Variants in EPC1 observed in about 807,000 individuals in gnomAD.
EPC1 encodes enhancer of polycomb homolog 1.
A neutral mutation model predicts 98.4 loss-of-function variants in EPC1; 12 were observed. The ratio of observed to expected loss-of-function variants is 0.12; its 90% confidence interval spans 0.08 to 0.20. The LOEUF is 0.20. Among genes scored for constraint, EPC1 ranks in the 10% least tolerant of loss-of-function variants. The pLI is 1.00. For synonymous variants in EPC1, 357 were observed against 363.9 expected (o/e 0.98, Z 0.21); for missense variants, 729 against 990.5 (o/e 0.74, Z 3.54).
chr10:32,376,351 C>T (rs1197205094), intron 1 of EPC1, among the ~76,000 whole-genome samples: 1 of 152,006 alleles, frequency 6.6e-6, no homozygotes, highest in African/African-American at 2.4e-5. Flanking sequence ...GAATAGCAGA[C>T]TATTTTAGCA....
At chr10:32,347,272 C>T, upstream of EPC1, 1 of 1,008,914 alleles carries the variant, frequency 9.9e-7, no homozygotes, top group Non-Finnish European at 1.2e-6. Flanking sequence ...AAGCGCGCGT[C>T]CCGCCAACCC....
At chr10:32,347,738 A>G (rs1838952164), upstream of EPC1, among the ~76,000 whole-genome samples, 1 of 152,222 alleles carries the variant, frequency 6.6e-6, no homozygotes, top group Non-Finnish European at 1.5e-5. Context: ...ATAAAAATAC[A>G]AACTGAATTA....
upstream of EPC1, among the ~76,000 whole-genome samples, chr10:32,349,125 T>A (rs965079785): frequency 2.0e-5 from 3 of 152,186 alleles, no homozygotes; most frequent in African/African-American, 7.2e-5. Flanking sequence ...AAATACTGGC[T>A]GAATATTATT....
At position 32,293,814 on chromosome 10, in the gene EPC1, CA is replaced by C. The variant is rs1834986489; in HGVS notation, c.314-78del. Reference sequence around the variant, plus strand: ...AACTCCACAGATGTCTGCATAAAAACAAGACCTAGACTTTCTAAAGAAATAA... The same window carrying C: ...AACTCCACAGATGTCTGCATAAAAACAGACCTAGACTTTCTAAAGAAATAA... On this transcript the variant is annotated intron_variant, in intron 2 of 13. Transcript: ENST00000319778. The C allele has an allele frequency of 3.0e-6, 4 of 1,335,498 alleles. No individual in the cohort carries two copies. The African/African-American group carries it at 5.9e-5, about 20-fold the overall frequency. The allele number at this position is 1,335,498 out of a possible 1,614,324, so 82.7% of individuals were successfully genotyped here.
At position 32,344,186 on chromosome 10, in the gene EPC1, TAC is replaced by T. The variant is rs1369021436; in HGVS notation, c.153+2575_153+2576del. Among the ~76,000 whole-genome samples, 16 of 152,364 alleles carry T rather than the reference TAC, an allele frequency of 1.1e-4. No homozygotes were observed. The Middle Eastern group carries it at 0.01, about 97-fold the overall frequency. On this transcript the variant is annotated intron_variant, in intron 1 of 13. Transcript: ENST00000319778. Reference sequence around the variant, plus strand: ...AATTCAATTACCTTTATGTTTAATATACCTTTTCAACACTGCATAACACACTA... The same window carrying T: ...AATTCAATTACCTTTATGTTTAATATCTTTTCAACACTGCATAACACACTA...
intron 6 of EPC1, among the ~76,000 whole-genome samples, chr10:32,290,483 C>CGAAAAAAAAAAAAAA (rs369289877): frequency 2.5e-5 from 1 of 40,160 alleles, no homozygotes; most frequent in African/African-American, 1.3e-4. Context: ...AAGACTCTGT[C>CGAAAAAAAAAAAAAA]AAAAAAAAAA....
intron 1 of EPC1, among the ~76,000 whole-genome samples, chr10:32,360,680 G>A (rs1384278548): frequency 6.6e-6 from 1 of 152,152 alleles, no homozygotes; most frequent in Non-Finnish European, 1.5e-5. Context: ...GATCACCTGA[G>A]GCCGGAAGTT....
chr10:32,273,482 GA>G (rs923322229), intron 10 of EPC1, among the ~76,000 whole-genome samples: 7 of 146,238 alleles, frequency 4.8e-5, no homozygotes, highest in South Asian at 4.3e-4. Flanking sequence ...TGAATTTAAA[GA>G]AAAAAAAAAT....
intron 4 of EPC1, 119 bp downstream of exon 4, chr10:32,292,869 T>A (rs1834929493): frequency 1.3e-6 from 1 of 786,010 alleles, no homozygotes; most frequent in African/African-American, 1.8e-5. Context: ...AATTTAAGTA[T>A]TTTTCTTATA....
intron 2 of EPC1, among the ~76,000 whole-genome samples, chr10:32,298,191 C>A (rs1023578967): frequency 1.3e-5 from 2 of 152,148 alleles, no homozygotes; most frequent in African/African-American, 4.8e-5. Context: ...AAGTATTTGA[C>A]ATCTTTGCCT....
intron 6 of EPC1, among the ~76,000 whole-genome samples, chr10:32,290,217 C>T (rs1479164286): frequency 6.6e-6 from 1 of 152,068 alleles, no homozygotes; most frequent in Non-Finnish European, 1.5e-5. Flanking sequence ...TGCAGTGGCT[C>T]ACGCCTATAA....
At chr10:32,327,087 A>T (rs114889182) in intron 1 of EPC1, among the ~76,000 whole-genome samples, 8 of 151,354 alleles carry the variant, frequency 5.3e-5, no homozygotes, top group East Asian at 1.9e-4. Context: ...ACACACACAC[A>T]CACTCACAAT....
Position 32,284,919 on chromosome 10 carries a change from T to G in EPC1, c.1523A>C (p.Lys508Thr). The G allele has an allele frequency of 1.9e-6, 3 of 1,614,172 alleles. No individual in the cohort carries two copies. The highest frequency in any genetic ancestry group is 2.5e-6 in the Non-Finnish European group (3 of 1,180,034). ...CTGACTGAGGTCTTTAGAGAAAGAT[T>G]TGTCCGAGGTATTTGTTTCTGAGGT... is the stretch of plus-strand genomic sequence containing the variant. ...ANTSETNTSD[K>T]SFSKDLSQIL... The change falls in exon 10 of 14, where the codon AAA (lysine) becomes ACA (threonine). Residue 508 changes from lysine to threonine, a missense_variant. Around this residue, in one of 6 missense-constraint regions of EPC1, gnomAD observed 390 missense variants for 438.6 expected, o/e 0.89. Transcript: ENST00000319778.
At chr10:32,373,173 A>G (rs1473131803) in intron 1 of EPC1, among the ~76,000 whole-genome samples, 1 of 152,178 alleles carries the variant, frequency 6.6e-6, no homozygotes, top group Non-Finnish European at 1.5e-5. Context: ...AACATGGGCC[A>G]AGTGTCTGGG....
Position 32,268,044 on chromosome 10 carries a change from C to A in EPC1, c.*1019G>T, listed in dbSNP as rs538188042. ...GTTTTTAGAAACTGGAATGATGATACACGTACAGCAATTACTGCATTCTTC... is the reference window on the plus strand; with the variant it reads ...GTTTTTAGAAACTGGAATGATGATAAACGTACAGCAATTACTGCATTCTTC... On this transcript the variant is annotated 3_prime_UTR_variant, in exon 14 of 14. Transcript: ENST00000319778. 41 of 152,258 alleles carry A rather than the reference C, an allele frequency of 2.7e-4. No individual in the cohort carries two copies. Among genetic ancestry groups the A allele is most frequent in the African/African-American group, 8.7e-4 (36 of 41,552 alleles). 9.4% of individuals were successfully genotyped at this position (152,258 alleles called of 1,614,324 possible). A position where few individuals can be genotyped will look rare whatever the true frequency, so the allele number is the denominator to read the frequency against.
chr10:32,376,827 G>A (rs749421826), intron 1 of EPC1, among the ~76,000 whole-genome samples: 8 of 152,040 alleles, frequency 5.3e-5, no homozygotes, highest in East Asian at 1.9e-4. Context: ...ATGGAAAAGT[G>A]GTCTAGTGTA....
chr10:32,309,820 T>A (rs1041200478), intron 1 of EPC1, among the ~76,000 whole-genome samples: 1 of 150,738 alleles, frequency 6.6e-6, no homozygotes, highest in African/African-American at 2.5e-5. Context: ...AAATAAACCA[T>A]AATAAAATTA....
chr10:32,339,060 T>C (rs1291098840), intron 1 of EPC1, among the ~76,000 whole-genome samples: 1 of 152,140 alleles, frequency 6.6e-6, no homozygotes, highest in Admixed American at 6.5e-5. Context: ...CATCTTTAAA[T>C]CCTTTAGAGA....
At chr10:32,317,440 G>A (rs1055214905) in intron 1 of EPC1, among the ~76,000 whole-genome samples, 1 of 152,080 alleles carries the variant, frequency 6.6e-6, no homozygotes, top group Non-Finnish European at 1.5e-5. Flanking sequence ...TCAGGAGTTC[G>A]AGATCAGCCT....
Sources: allele counts gnomAD v4.1 joint callset (sites outside exome capture counted in the v4.1 genomes callset), GRCh38; gene constraint gnomAD v4.1.1; regional missense constraint gnomAD v4.1.1; transcripts MANE v1.5; gene names NCBI Gene and HGNC (gene_info 2026-07-23, HGNC 2026-07-21).